ME3: variants seen among roughly 807,000 people sequenced by gnomAD.
ME3 encodes malic enzyme 3, also known as NADP-dependent malic enzyme, mitochondrial.
A neutral mutation model predicts 68.9 loss-of-function variants in ME3; 48 were observed. The ratio of observed to expected loss-of-function variants is 0.70; its 90% confidence interval spans 0.55 to 0.89. The LOEUF is 0.89. Among genes scored for constraint, ME3 ranks in the 40% least tolerant of loss-of-function variants. The pLI is 0.00. For synonymous variants in ME3, 320 were observed against 318.8 expected, an observed-to-expected ratio of 1.00 and a Z score of -0.04; for missense variants, 675 against 797.4, an observed-to-expected ratio of 0.85 and a Z score of 1.85.
chr11:86,501,986 A>G (rs573492462), intron 5 of ME3, among the ~76,000 whole-genome samples: 37 of 152,212 alleles, frequency 2.4e-4, no homozygotes, highest in African/African-American at 8.7e-4. Flanking sequence ...CCAAATCTCT[A>G]ATGGTCCCTG....
chr11:86,668,692 T>C (rs1476378866), intron 2 of ME3, among the ~76,000 whole-genome samples: 1 of 152,218 alleles, frequency 6.6e-6, no homozygotes, highest in Non-Finnish European at 1.5e-5. Context: ...ATAGCAGCAA[T>C]GCTTGCCCTG....
In ME3 at chr11:86,523,912, A is replaced by G. The variant is rs558521983; in HGVS notation, c.468-15045T>C. Among the ~76,000 whole-genome samples the G allele has an allele frequency of 1.7e-4, 26 of 152,360 alleles. No homozygotes were observed. In the South Asian group the frequency reaches 4.1e-3, roughly 24 times the overall value. ...ATTCCACAAGTCACAGATGTTTCCA[A>G]TTAGAACAGAGAAAGTTAATGTAGT... is the stretch of plus-strand genomic sequence containing the variant. On this transcript the variant is annotated intron_variant, in intron 4 of 14. Transcript: ENST00000543262.
intron 4 of ME3, among the ~76,000 whole-genome samples, chr11:86,541,644 C>T (rs994685880): frequency 1.3e-5 from 2 of 152,234 alleles, no homozygotes; most frequent in African/African-American, 4.8e-5. Context: ...GCAGCAGCCC[C>T]AGTCAGGGGC....
intron 4 of ME3, among the ~76,000 whole-genome samples, chr11:86,549,736 A>G (rs556997702): frequency 1.3e-5 from 2 of 152,348 alleles, no homozygotes; most frequent in Admixed American, 6.5e-5. Context: ...CTTGGAAGTG[A>G]GACTTCTGTG....
chr11:86,475,976 C>T (rs1043213347), intron 7 of ME3, among the ~76,000 whole-genome samples: 1 of 151,782 alleles, frequency 6.6e-6, no homozygotes, highest in Non-Finnish European at 1.5e-5. Context: ...CCCTGTGAAA[C>T]ATTGCAATCG....
In ME3 at chr11:86,660,551, G is replaced by A. The variant is rs930560569; in HGVS notation, c.183+11211C>T. On this transcript the variant is annotated intron_variant, in intron 2 of 14. Coordinates refer to ENST00000543262, the Ensembl canonical transcript of ME3. ...CCATATCTAGAGAATGGCAGAGATG[G>A]GATTGGAATCTTAGATTGTTCTGAG... is the stretch of plus-strand genomic sequence containing the variant. 8.5e-5 allele frequency among the ~76,000 whole-genome samples: 13 copies of A among 152,174 alleles called. 1 individual carries two copies. The highest frequency in any genetic ancestry group is 3.1e-4 in the African/African-American group (13 of 41,434).
downstream of ME3, chr11:86,436,456 G>C (rs1948898244): frequency 6.7e-6 from 1 of 150,178 alleles, no homozygotes; most frequent in Non-Finnish European, 1.5e-5. Flanking sequence ...CCAGTCTGCT[G>C]CTTGTCTTTT....
At chr11:86,520,000 T>C (rs1344082476) in intron 4 of ME3, among the ~76,000 whole-genome samples, 1 of 152,242 alleles carries the variant, frequency 6.6e-6, no homozygotes, top group Non-Finnish European at 1.5e-5. Context: ...TTTGGTGTTA[T>C]TTTCTATCCT....
At chr11:86,528,117 C>A (rs571499306) in intron 4 of ME3, among the ~76,000 whole-genome samples, 1 of 152,116 alleles carries the variant, frequency 6.6e-6, no homozygotes, top group African/African-American at 2.4e-5. Context: ...ACCCATCTCA[C>A]GTGCATAGAC....
intron 4 of ME3, among the ~76,000 whole-genome samples, chr11:86,537,083 C>G (rs1955722697): frequency 7.1e-6 from 1 of 140,230 alleles, no homozygotes; most frequent in Non-Finnish European, 1.5e-5. Flanking sequence ...GGGAATTGAA[C>G]AATGAGATCA....
chr11:86,461,471 A>G (rs776689075), intron 8 of ME3, among the ~76,000 whole-genome samples: 1 of 152,204 alleles, frequency 6.6e-6, no homozygotes, highest in African/African-American at 2.4e-5. Context: ...GGATGTTTTT[A>G]GGAAGTGCCC....
chr11:86,646,104 G>C (rs1944994175), intron 2 of ME3, among the ~76,000 whole-genome samples: 1 of 152,072 alleles, frequency 6.6e-6, no homozygotes, highest in Admixed American at 6.5e-5. Context: ...GAAAAACCAG[G>C]GCAAAAAGGC....
At chr11:86,531,523 C>A (rs1955230258) in intron 4 of ME3, among the ~76,000 whole-genome samples, 1 of 152,230 alleles carries the variant, frequency 6.6e-6, no homozygotes, top group Non-Finnish European at 1.5e-5. Flanking sequence ...GATTATAAAT[C>A]ATGCTGCTAT....
chr11:86,556,672 C>A (rs12287767), exon 4 of ME3: 302,268 of 1,613,702 alleles, frequency 0.19, 32,770 homozygotes, highest in East Asian at 0.52. Flanking sequence ...GCTTCTCGTT[C>A]CGGTCTTGGA....
chr11:86,478,679 T>C (rs1042456493), intron 7 of ME3, among the ~76,000 whole-genome samples: 5 of 152,238 alleles, frequency 3.3e-5, no homozygotes, highest in African/African-American at 1.2e-4. Context: ...TTTTGCAGAA[T>C]AATTCTTTAA....
At chr11:86,551,451 T>C (rs551163869) in intron 4 of ME3, among the ~76,000 whole-genome samples, 4 of 152,310 alleles carry the variant, frequency 2.6e-5, no homozygotes, top group South Asian at 2.1e-4. Flanking sequence ...TGCAGACTTA[T>C]CTGGCAAGGG....
intron 4 of ME3, among the ~76,000 whole-genome samples, chr11:86,537,282 A>G (rs531080075): frequency 6.9e-6 from 1 of 145,488 alleles, no homozygotes; most frequent in Non-Finnish European, 1.6e-5. Context: ...AACTTAAAGT[A>G]TAATAAAAAA....
At chr11:86,441,239 C>T in exon 15 of ME3, 1 of 1,473,576 alleles carries the variant, frequency 6.8e-7, no homozygotes, top group Non-Finnish European at 9.0e-7. Context: ...GGGTGTTACT[C>T]TGGGCTTCAT....
At chr11:86,658,272 C>T (rs111990777) in intron 2 of ME3, among the ~76,000 whole-genome samples, 3,004 of 151,898 alleles carry the variant, frequency 0.02, 96 homozygotes, top group African/African-American at 0.063. Context: ...TACAGGCATG[C>T]GTCACCAGCC....
Sources: allele counts gnomAD v4.1 joint callset (sites outside exome capture counted in the v4.1 genomes callset), GRCh38; gene constraint gnomAD v4.1.1; transcripts MANE v1.5; gene names NCBI Gene and HGNC (gene_info 2026-07-23, HGNC 2026-07-21).